AGXT2: variants seen among roughly 807,000 people sequenced by gnomAD.
AGXT2 encodes the protein alanine--glyoxylate aminotransferase 2.
In AGXT2, 61 loss-of-function variants were observed where a neutral mutation model predicts 62.5. The observed-to-expected ratio is 0.98, with a 90% confidence interval of 0.79 to 1.21. The LOEUF is 1.21. Ranked by LOEUF, AGXT2 falls within the 50% of genes most tolerant of loss-of-function variation. The pLI, the probability that AGXT2 is intolerant of heterozygous loss-of-function variation, is 0.00. For missense variants in AGXT2, 666 were observed against 641.5 expected (o/e 1.04, Z -0.41); for synonymous variants, 243 against 218.7 (o/e 1.11, Z -0.98).
At chr5:35,021,146 G>A (rs1767064159) in intron 9 of AGXT2, among the ~76,000 whole-genome samples, 1 of 152,188 alleles carries the variant, frequency 6.6e-6, no homozygotes, top group South Asian at 2.1e-4. Context: ...TGGCCACACT[G>A]CCCAAGGTAA....
rs754665271 is a variant in AGXT2 at position 35,039,495 on chromosome 5, T to C, written c.191A>G (p.Asn64Ser). 58 of 1,613,782 alleles carry C rather than the reference T, an allele frequency of 3.6e-5. No individual in the cohort carries two copies. The South Asian group carries it at 3.6e-4, about 10-fold the overall frequency. ...MPERYQSLGY[N>S]RVLEIHKEHL... ...TTCCTTGTGGATTTCCAGGACACGG[T>C]TGTAGCCAAGGGACTGTAGATAAAC... Residue 64 changes from asparagine (N) to serine (S), a missense_variant, in exon 3 of 14, where the codon AAC (asparagine) becomes AGC (serine). Physicochemically the swap from Asn to Ser is conservative, Grantham distance 46. Transcript: ENST00000231420.
chr5:34,999,732 T>C (rs921286258), intron 13 of AGXT2, among the ~76,000 whole-genome samples: 2 of 152,204 alleles, frequency 1.3e-5, no homozygotes, highest in Admixed American at 1.3e-4. Flanking sequence ...TCATGCCTCA[T>C]ACTTCTCAGA....
chr5:35,045,498 C>T (rs984044969), intron 1 of AGXT2, among the ~76,000 whole-genome samples: 11 of 152,142 alleles, frequency 7.2e-5, no homozygotes, highest in Non-Finnish European at 1.6e-4. Flanking sequence ...AGGGCAGGAG[C>T]TTTTTCTTGC....
chr5:35,031,357 C>T (rs1767552913), intron 7 of AGXT2, among the ~76,000 whole-genome samples: 1 of 152,190 alleles, frequency 6.6e-6, no homozygotes, highest in South Asian at 2.1e-4. Flanking sequence ...CTTTCATTCT[C>T]TTACCTCCAT....
At chr5:35,006,760 C>T (rs911824120) in intron 12 of AGXT2, among the ~76,000 whole-genome samples, 1 of 152,118 alleles carries the variant, frequency 6.6e-6, no homozygotes, top group Non-Finnish European at 1.5e-5. Flanking sequence ...GCTGTACCTC[C>T]TTACCAACAG....
At chr5:35,018,784 G>A (rs1359601206) in intron 9 of AGXT2, among the ~76,000 whole-genome samples, 1 of 140,866 alleles carries the variant, frequency 7.1e-6, no homozygotes, top group Non-Finnish European at 1.5e-5. Flanking sequence ...CTGGCAAATT[G>A]GATAAAGAGT....
chr5:35,035,560 C>T (rs536633000), intron 4 of AGXT2, among the ~76,000 whole-genome samples: 5 of 150,812 alleles, frequency 3.3e-5, no homozygotes, highest in South Asian at 2.1e-4. Flanking sequence ...TGCAACATTC[C>T]TGGCTTTTAA....
chr5:35,012,858 TAAC>T (rs1423465343), intron 11 of AGXT2, 93 bp downstream of exon 11: 6 of 1,122,932 alleles, frequency 5.3e-6, no homozygotes, highest in Non-Finnish European at 7.9e-6. Context: ...CTCTCCCCTT[TAAC>T]AACTCAGCAT....
At chr5:35,031,797 T>A (rs1009393616) in intron 7 of AGXT2, among the ~76,000 whole-genome samples, 42 of 152,130 alleles carry the variant, frequency 2.8e-4, no homozygotes, top group African/African-American at 1.0e-3. Flanking sequence ...CCTGGAGAAC[T>A]TTTTGACTGG....
rs1000801260 is a variant in AGXT2 at position 35,032,249 on chromosome 5, G to A, written c.769+483C>T. On this transcript the variant is annotated intron_variant, in intron 7 of 13. Transcript: ENST00000231420. ...TTATAGCTGTCAGCCACCATGCCCC[G>A]CCGGGCCTTGCTCTTTCATGCAGGC... 5.3e-5 allele frequency among the ~76,000 whole-genome samples: 8 copies of A among 151,564 alleles called. No individual in the cohort carries two copies. In the East Asian group the frequency reaches 9.8e-4, roughly 19 times the overall value.
chr5:35,000,998 T>G (rs1223539658), intron 13 of AGXT2, among the ~76,000 whole-genome samples: 1 of 152,256 alleles, frequency 6.6e-6, no homozygotes, highest in Non-Finnish European at 1.5e-5. Context: ...CAACACTTTA[T>G]TATAAAATAG....
chr5:35,005,572 C>T (rs1397869463), intron 12 of AGXT2, among the ~76,000 whole-genome samples: 10 of 151,768 alleles, frequency 6.6e-5, no homozygotes, highest in African/African-American at 2.4e-4. Flanking sequence ...TTCACCCCGA[C>T]CTTGCTCTGG....
chr5:35,036,817 G>A (rs1025118558), intron 4 of AGXT2, 125 bp downstream of exon 4: 1 of 1,414,718 alleles, frequency 7.1e-7, no homozygotes, highest in Admixed American at 1.7e-5. Flanking sequence ...TAAATTCCCT[G>A]CCCATGTCCC....
intron 7 of AGXT2, among the ~76,000 whole-genome samples, chr5:35,029,583 T>C (rs1388066053): frequency 6.6e-6 from 1 of 152,234 alleles, no homozygotes; most frequent in Non-Finnish European, 1.5e-5. Flanking sequence ...GGATGTTCTG[T>C]TGGATACTAC....
rs751247124 is a variant in AGXT2, at chr5:35,025,796, C to T, written c.930G>A (p.Val310=). The T allele has an allele frequency of 9.3e-6, 15 of 1,614,046 alleles. No individual in the cohort carries two copies. The South Asian group carries it at 1.3e-4, about 14-fold the overall frequency. ...CAATGCACACGCCTCCCCTTGCTCGCACCAGCTCAAAGGCTTCCTTTAGAA... is the reference window on the plus strand; with the variant it reads ...CAATGCACACGCCTCCCCTTGCTCGTACCAGCTCAAAGGCTTCCTTTAGAA... The part of the protein sequence containing the change: ...KGFLKEAFEL[V]RARGGVCIAD... Residue 310 remains valine (V), a synonymous_variant, in exon 9 of 14, where the codon GTG becomes GTA. Coordinates refer to ENST00000231420, the MANE Select transcript of AGXT2 (RefSeq NM_031900.4).
intron 8 of AGXT2, 144 bp downstream of exon 8, chr5:35,026,266 T>C: frequency 1.3e-6 from 1 of 752,884 alleles, no homozygotes; most frequent in Non-Finnish European, 2.3e-6. Context: ...CAGCGTCTTC[T>C]TTTTTCAAGG....
intron 11 of AGXT2, among the ~76,000 whole-genome samples, chr5:35,012,213 A>G (rs1026645517): frequency 3.3e-5 from 5 of 152,062 alleles, no homozygotes; most frequent in South Asian, 2.1e-4. Context: ...ACCGACTTGT[A>G]TCCCAAAAGC....
intron 3 of AGXT2, among the ~76,000 whole-genome samples, chr5:35,038,769 A>G (rs529163560): frequency 2.0e-4 from 31 of 152,354 alleles, no homozygotes; most frequent in African/African-American, 7.2e-4. Flanking sequence ...GAACGCTCCA[A>G]GGGTATCTGT....
chr5:35,005,282 G>T (rs1351123200), intron 12 of AGXT2, among the ~76,000 whole-genome samples: 1 of 152,122 alleles, frequency 6.6e-6, no homozygotes, highest in Non-Finnish European at 1.5e-5. Flanking sequence ...AGGCTGCAGT[G>T]CAGTGGTGCA....
Sources: gnomAD v4.1 joint callset for allele counts (sites outside exome capture counted in the v4.1 genomes callset) on GRCh38, gnomAD v4.1.1 for gene constraint, MANE v1.5 for transcripts, NCBI Gene and HGNC (gene_info 2026-07-23, HGNC 2026-07-21) for gene names.